MYT1L: variants seen among roughly 807,000 people sequenced by gnomAD.
The protein encoded by MYT1L is myelin transcription factor 1 like, also known as myelin transcription factor 1-like protein.
In MYT1L, 12 loss-of-function variants were observed where a neutral mutation model predicts 126.7. That is an observed-to-expected ratio of 0.09 (90% CI 0.06 to 0.15). MYT1L has a LOEUF of 0.15. Among genes scored for constraint, MYT1L ranks in the 10% least tolerant of loss-of-function variants. The probability of loss-of-function intolerance (pLI) is 1.00; values close to 1 mark genes in which losing one functional copy is unlikely to be tolerated. For missense variants in MYT1L, 979 were observed against 1,585.2 expected, an observed-to-expected ratio of 0.62 and a Z score of 6.49; for synonymous variants, 541 against 604.2, an observed-to-expected ratio of 0.90 and a Z score of 1.53.
At chr2:2,266,006 G>A (rs1016665007) in intron 2 of MYT1L, among the ~76,000 whole-genome samples, 3 of 152,144 alleles carry the variant, frequency 2.0e-5, no homozygotes, top group Admixed American at 1.3e-4. Flanking sequence ...GAATAGCTCC[G>A]GGTGCAGGTC....
intron 3 of MYT1L, among the ~76,000 whole-genome samples, chr2:2,101,599 A>G (rs1411537511): frequency 6.6e-6 from 1 of 151,654 alleles, no homozygotes. Flanking sequence ...CCATCCAACC[A>G]CGCACCCTTC....
At chr2:1,995,353 T>C (rs2061747829) in intron 5 of MYT1L, among the ~76,000 whole-genome samples, 1 of 152,184 alleles carries the variant, frequency 6.6e-6, no homozygotes, top group African/African-American at 2.4e-5. Context: ...TCGTCCTCAC[T>C]GCGCTCTCCT....
At position 1,819,357 on chromosome 2, in the gene MYT1L, G is replaced by A. The variant is rs190317848; in HGVS notation, c.3081-10190C>T. The stretch of plus-strand genomic sequence containing the variant: ...ATGCTAACAGCAGTGGTGAGCTGCT[G>A]TAAATGCTTTACTTATCACATGCTG... On this transcript the variant is annotated intron_variant, in intron 21 of 24. Transcript: ENST00000647738. Among the ~76,000 whole-genome samples the A allele has an allele frequency of 9.8e-4, 150 of 152,340 alleles. 1 individual carries two copies. Among genetic ancestry groups the A allele is most frequent in the African/African-American group, 3.4e-3 (140 of 41,586 alleles).
intron 2 of MYT1L, among the ~76,000 whole-genome samples, chr2:2,246,649 A>T (rs914253564): frequency 4.6e-5 from 7 of 152,120 alleles, no homozygotes; most frequent in African/African-American, 1.7e-4. Flanking sequence ...TTTTATATAC[A>T]AGGTAATTCA....
At chr2:1,991,523 T>C (rs940783385) in intron 5 of MYT1L, among the ~76,000 whole-genome samples, 2 of 152,132 alleles carry the variant, frequency 1.3e-5, no homozygotes, top group African/African-American at 4.8e-5. Flanking sequence ...CGAGTGATCC[T>C]CTGCCTCAGC....
intron 2 of MYT1L, among the ~76,000 whole-genome samples, chr2:2,194,386 C>T (rs774092604): frequency 1.3e-5 from 2 of 152,118 alleles, no homozygotes; most frequent in Non-Finnish European, 2.9e-5. Context: ...CATATTTTAT[C>T]TCCCTTTAGA....
intron 2 of MYT1L, among the ~76,000 whole-genome samples, chr2:2,268,276 C>A (rs1486474597): frequency 1.3e-5 from 2 of 152,050 alleles, no homozygotes; most frequent in Admixed American, 1.3e-4. Flanking sequence ...CTCTATAATA[C>A]AGAAATTTAC....
At chr2:2,305,452 T>C (rs2095845457) in intron 1 of MYT1L, among the ~76,000 whole-genome samples, 1 of 152,216 alleles carries the variant, frequency 6.6e-6, no homozygotes, top group African/African-American at 2.4e-5. Context: ...AAAGTAACTT[T>C]TAGTTTTAAA....
At chr2:2,178,166 T>C (rs1337338545) in intron 2 of MYT1L, among the ~76,000 whole-genome samples, 1 of 152,166 alleles carries the variant, frequency 6.6e-6, no homozygotes, top group Non-Finnish European at 1.5e-5. Context: ...CTGAAAAATT[T>C]AATGATTTAT....
intron 21 of MYT1L, among the ~76,000 whole-genome samples, chr2:1,837,224 T>A (rs1281861241): frequency 1.3e-5 from 2 of 152,170 alleles, no homozygotes; most frequent in East Asian, 3.9e-4. Context: ...GCTGCTTAAA[T>A]CAAAGGGGCA....
intron 3 of MYT1L, among the ~76,000 whole-genome samples, chr2:2,150,130 C>G (rs1035900080): frequency 1.3e-5 from 2 of 152,174 alleles, no homozygotes; most frequent in African/African-American, 4.8e-5. Flanking sequence ...AGCCCAGATG[C>G]TTTGAATGGA....
intron 3 of MYT1L, among the ~76,000 whole-genome samples, chr2:2,135,899 G>C (rs932608920): frequency 6.6e-6 from 1 of 152,108 alleles, no homozygotes; most frequent in African/African-American, 2.4e-5. Flanking sequence ...TTAAGAAAAC[G>C]TTCTACTATA....
chr2:1,846,764 T>C (rs1433381134), intron 19 of MYT1L, among the ~76,000 whole-genome samples: 3 of 152,186 alleles, frequency 2.0e-5, no homozygotes, highest in Non-Finnish European at 4.4e-5. Flanking sequence ...CCTGTGACCC[T>C]CCGGACCCTC....
rs140859442 is a variant in MYT1L, at chr2:2,228,881, CT to C, written c.-421+55522del. ...CTCAATATTAGCACATATTAACAAT[CT>C]TTTTAAAAAATACAGGACAAGGGCA... is the stretch of plus-strand genomic sequence containing the variant. On this transcript the variant is annotated intron_variant, in intron 2 of 24. Coordinates refer to ENST00000647738, the MANE Select transcript of MYT1L (RefSeq NM_001303052.2). This position sits in a 1 kb window ranked among gnomAD's most constrained non-coding sequence, Gnocchi z 5.9. 6.6e-6 allele frequency among the ~76,000 whole-genome samples: 1 copy of C among 152,164 alleles called. No individual in the cohort carries two copies. The highest frequency in any genetic ancestry group is 6.5e-5 in the Admixed American group (1 of 15,278).
chr2:2,139,023 A>G (rs1271609343), intron 3 of MYT1L, among the ~76,000 whole-genome samples: 7 of 151,708 alleles, frequency 4.6e-5, no homozygotes, highest in Non-Finnish European at 1.0e-4. Context: ...CTTATGAAGG[A>G]GCTTGGATTC....
intron 14 of MYT1L, among the ~76,000 whole-genome samples, chr2:1,902,490 C>T (rs1236828111): frequency 6.6e-6 from 1 of 152,230 alleles, no homozygotes; most frequent in Non-Finnish European, 1.5e-5. Flanking sequence ...GCTCTGGCTA[C>T]CCGGCAATCA....
intron 3 of MYT1L, among the ~76,000 whole-genome samples, chr2:2,130,304 C>T (rs1440247373): frequency 5.3e-5 from 8 of 151,532 alleles, no homozygotes; most frequent in Non-Finnish European, 1.5e-5. Context: ...GCCAAAACTC[C>T]AAAGATTGAT....
At chr2:2,296,523 A>G (rs543667054) in intron 1 of MYT1L, among the ~76,000 whole-genome samples, 1 of 152,324 alleles carries the variant, frequency 6.6e-6, no homozygotes, top group East Asian at 1.9e-4. Context: ...TTTTATTTCC[A>G]TCTTAGCATT....
At chr2:2,321,166 C>T (rs2096157901) in intron 1 of MYT1L, among the ~76,000 whole-genome samples, 1 of 152,164 alleles carries the variant, frequency 6.6e-6, no homozygotes, top group African/African-American at 2.4e-5. Flanking sequence ...CTGTGCCTGG[C>T]CCTCAAGACA....
Sources: allele counts gnomAD v4.1 joint callset (sites outside exome capture counted in the v4.1 genomes callset), GRCh38; gene constraint gnomAD v4.1.1; non-coding constraint Gnocchi (gnomAD v3.1); transcripts MANE v1.5; gene names NCBI Gene and HGNC (gene_info 2026-07-23, HGNC 2026-07-21).